Variants in HTR2C observed in about 807,000 individuals in gnomAD.
HTR2C encodes 5-hydroxytryptamine receptor 2C.
In HTR2C, 5 loss-of-function variants were observed where a neutral mutation model predicts 21.0. The observed-to-expected ratio is 0.24, with a 90% CI of 0.12 to 0.50. HTR2C has a LOEUF of 0.50. Ranked by LOEUF, HTR2C falls within the 20% of genes least tolerant of loss-of-function variation. The probability of loss-of-function intolerance (pLI) is 0.98; values close to 1 mark genes in which losing one functional copy is unlikely to be tolerated. For missense variants in HTR2C, 271 were observed against 371.2 expected (o/e 0.73, Z 2.22); for synonymous variants, 150 against 145.3 (o/e 1.03, Z -0.23).
intron 2 of HTR2C, among the ~76,000 whole-genome samples, chrX:114,657,743 C>T (rs1930836668): frequency 9.0e-6 from 1 of 111,163 alleles, no homozygotes; most frequent in Non-Finnish European, 1.9e-5. Context: ...GGTACTTGTG[C>T]ACAACGTGCA....
At chrX:114,799,436 A>G (rs2070325123) in intron 4 of HTR2C, among the ~76,000 whole-genome samples, 1 of 109,984 alleles carries the variant, frequency 9.1e-6, no homozygotes, top group African/African-American at 3.3e-5. Context: ...AGCATGAACC[A>G]TAAGTCCAAA....
chrX:114,833,294 C>A (rs1478969846), intron 4 of HTR2C, among the ~76,000 whole-genome samples: 5 of 99,670 alleles, frequency 5.0e-5, no homozygotes, highest in Admixed American at 1.1e-4. Flanking sequence ...CCTCCTTGTA[C>A]CTCTGGTAGA....
At chrX:114,862,764 G>A (rs1169731501) in intron 5 of HTR2C, among the ~76,000 whole-genome samples, 2 of 110,931 alleles carry the variant, frequency 1.8e-5, no homozygotes, top group Admixed American at 9.6e-5. Flanking sequence ...TTTTGGCGAC[G>A]TTACAATTCT....
chrX:114,868,017 A>T (rs1399591890), intron 5 of HTR2C, among the ~76,000 whole-genome samples: 2 of 107,523 alleles, frequency 1.9e-5, no homozygotes, highest in East Asian at 5.8e-4. Flanking sequence ...AAATTTTAGA[A>T]TTTTTTTTTT....
intron 5 of HTR2C, among the ~76,000 whole-genome samples, chrX:114,870,374 G>A (rs781893730): frequency 5.4e-5 from 6 of 110,969 alleles, no homozygotes; most frequent in Admixed American, 1.9e-4. Context: ...GAGCCACCGC[G>A]CCCAGCCAGT....
At chrX:114,630,683 G>T (rs1211416578) in intron 2 of HTR2C, 1 of 149,387 alleles carries the variant, frequency 6.7e-6, no homozygotes, top group Non-Finnish European at 1.4e-5. Context: ...CAGTCACCAT[G>T]TTGAGTGAAT....
Position 114,676,059 on chromosome X carries a change from G to A in HTR2C, c.-79-50799G>A, listed in dbSNP as rs1388064557. Among the ~76,000 whole-genome samples, 2 of 109,909 alleles carry A rather than the reference G, an allele frequency of 1.8e-5. 1 individual carries two copies. The highest frequency in any genetic ancestry group is 6.6e-5 in the African/African-American group (2 of 30,285). On this transcript the variant is annotated intron_variant, in intron 2 of 5. Transcript: ENST00000276198. The stretch of plus-strand genomic sequence containing the variant: ...TAATTTTTGTATTTTTAGTAGAGAC[G>A]AGGTTTTACCATGTTGGCCAGGCTG...
chrX:114,700,728 A>C (rs1332462580), intron 2 of HTR2C, among the ~76,000 whole-genome samples: 1 of 112,428 alleles, frequency 8.9e-6, no homozygotes, highest in Non-Finnish European at 1.9e-5. Flanking sequence ...GGTGCAGCGC[A>C]CTGTGCGCGA....
chrX:114,667,175 TA>T (rs1259351093), intron 2 of HTR2C, among the ~76,000 whole-genome samples: 38 of 111,532 alleles, frequency 3.4e-4, no homozygotes, highest in Admixed American at 1.3e-3. Flanking sequence ...TCTTAAAAAC[TA>T]TTTTTTATAG....
intron 2 of HTR2C, among the ~76,000 whole-genome samples, chrX:114,640,513 A>C (rs1930057105): frequency 1.8e-5 from 2 of 112,247 alleles, no homozygotes; most frequent in Admixed American, 9.5e-5. Context: ...ATAAGACTCA[A>C]ATCTCATAGT....
At chrX:114,671,969 C>T (rs782464058) in intron 2 of HTR2C, among the ~76,000 whole-genome samples, 1 of 111,135 alleles carries the variant, frequency 9.0e-6, no homozygotes, top group South Asian at 3.8e-4. Context: ...ATAACAGTAC[C>T]CAAACATTTG....
intron 2 of HTR2C, among the ~76,000 whole-genome samples, chrX:114,668,498 C>A (rs1931254102): frequency 9.0e-6 from 1 of 111,186 alleles, no homozygotes; most frequent in African/African-American, 3.3e-5. Flanking sequence ...CTCCAAAATT[C>A]TATAATTATT....
At chrX:114,875,817 G>A (rs1447620953) in intron 5 of HTR2C, among the ~76,000 whole-genome samples, 1 of 106,210 alleles carries the variant, frequency 9.4e-6, no homozygotes, top group Admixed American at 1.0e-4. Flanking sequence ...TTGAAATAAA[G>A]ACATATGATG....
intron 4 of HTR2C, among the ~76,000 whole-genome samples, chrX:114,795,777 A>G (rs1227134357): frequency 9.0e-5 from 10 of 111,572 alleles, no homozygotes; most frequent in African/African-American, 2.9e-4. Flanking sequence ...GCCTTGTAGT[A>G]TAGTTTGAAG....
In HTR2C at chrX:114,698,984, C is replaced by T. The variant is rs986289075; in HGVS notation, c.-79-27874C>T. Among the ~76,000 whole-genome samples the T allele has an allele frequency of 1.2e-4, 13 of 111,432 alleles. No homozygotes were observed. The Admixed American group carries it at 1.2e-3, about 11-fold the overall frequency. On this transcript the variant is annotated intron_variant, in intron 2 of 5. Coordinates refer to ENST00000276198, the MANE Select transcript of HTR2C (RefSeq NM_000868.4). ...TATTGTGATAGTCACTCGACGGCAG[C>T]TTTAAAATCTGTGTTGCCTGAAATT...
intron 2 of HTR2C, among the ~76,000 whole-genome samples, chrX:114,665,768 C>T (rs376886391): frequency 6.3e-5 from 7 of 110,867 alleles, no homozygotes; most frequent in African/African-American, 1.6e-4. Context: ...GAGTTGGTCT[C>T]GCTGTCTCAG....
chrX:114,753,238 C>G (rs2147369536), intron 4 of HTR2C, among the ~76,000 whole-genome samples: 1 of 110,805 alleles, frequency 9.0e-6, no homozygotes, highest in East Asian at 2.9e-4. Flanking sequence ...TATCCAGTGA[C>G]AGGGTGGGCC....
At chrX:114,855,018 G>T (rs899533387) in intron 5 of HTR2C, among the ~76,000 whole-genome samples, 3 of 111,782 alleles carry the variant, frequency 2.7e-5, no homozygotes, top group African/African-American at 9.7e-5. Context: ...GTTTTTCAAG[G>T]TGCTTTAATC....
At chrX:114,601,915 G>C (rs1444580416) in intron 1 of HTR2C, among the ~76,000 whole-genome samples, 5 of 95,345 alleles carry the variant, frequency 5.2e-5, no homozygotes, top group South Asian at 5.8e-4. Context: ...TTGTGGTAAG[G>C]GGTGATATTG....
Sources: allele counts gnomAD v4.1 joint callset (sites outside exome capture counted in the v4.1 genomes callset), GRCh38; gene constraint gnomAD v4.1.1; transcripts MANE v1.5; gene names NCBI Gene and HGNC (gene_info 2026-07-23, HGNC 2026-07-21).